Variants in ACO1 observed in about 807,000 individuals in gnomAD.
ACO1 encodes the protein cytoplasmic aconitate hydratase.
ACO1 carries 78 observed loss-of-function variants against 105.1 expected under a neutral mutation model. That is an observed-to-expected ratio of 0.74 (90% CI 0.62 to 0.90). ACO1 has a LOEUF of 0.90. ACO1 is among the 40% of genes least tolerant of loss of function. ACO1 has a pLI of 0.00. For missense variants in ACO1, 965 were observed against 1,111.1 expected, an observed-to-expected ratio of 0.87 and a Z score of 1.87; for synonymous variants, 364 against 397.4, an observed-to-expected ratio of 0.92 and a Z score of 1.00.
chr9:32,396,599 T>C (rs141331950), intron 1 of ACO1, among the ~76,000 whole-genome samples: 1 of 152,316 alleles, frequency 6.6e-6, no homozygotes, highest in Non-Finnish European at 1.5e-5. Flanking sequence ...TGAACATCAG[T>C]GAGGCCTTCT....
chr9:32,420,734 T>G (rs1821954338), intron 7 of ACO1, 122 bp from the exon 8 acceptor site: 1 of 979,106 alleles, frequency 1.0e-6, no homozygotes, highest in Non-Finnish European at 1.5e-6. Flanking sequence ...ACAAATGTGT[T>G]GGGCTGATTT....
At chr9:32,384,854 A>C (rs1033088125) in intron 1 of ACO1, 119 bp downstream of exon 1, 4 of 242,550 alleles carry the variant, frequency 1.6e-5, no homozygotes, top group African/African-American at 9.4e-5. Context: ...CACGGGGGAC[A>C]CGGAGGCGAG....
intron 11 of ACO1, among the ~76,000 whole-genome samples, chr9:32,426,325 T>C (rs955874470): frequency 3.3e-5 from 5 of 152,184 alleles, no homozygotes; most frequent in African/African-American, 1.2e-4. Context: ...CCACAGACTT[T>C]GTTCTCCGTG....
At chr9:32,392,143 T>C (rs1424616102) in intron 1 of ACO1, among the ~76,000 whole-genome samples, 2 of 152,056 alleles carry the variant, frequency 1.3e-5, no homozygotes, top group Non-Finnish European at 2.9e-5. Flanking sequence ...ATGAGATTTA[T>C]TTTTTTTAAA....
chr9:32,427,499 T>C (rs1822127356), intron 12 of ACO1, 63 bp downstream of exon 12: 1 of 1,595,638 alleles, frequency 6.3e-7, no homozygotes, highest in Non-Finnish European at 8.6e-7. Flanking sequence ...TGTATCTTGC[T>C]GTGTCACCTT....
In ACO1 at chr9:32,418,081, ATATGT is replaced by A. The variant is rs762956887; in HGVS notation, c.405-44_405-40del. On this transcript the variant is annotated intron_variant, in intron 4 of 20. Coordinates refer to ENST00000309951, the MANE Select transcript of ACO1 (RefSeq NM_002197.3). ...TCATCACCAATAAATTTGACCACTA[ATATGT>A]TAAGTCTCAAATTGTATACATTTAA... 6 of 1,565,706 alleles carry A rather than the reference ATATGT, an allele frequency of 3.8e-6. No individual in the cohort carries two copies. In the African/African-American group the frequency reaches 5.4e-5, roughly 14 times the overall value.
chr9:32,451,297 C>T lies in ACO1; in HGVS notation c.*1186C>T, dbSNP rs1469984592. 1 of 152,130 alleles carries T rather than the reference C, an allele frequency of 6.6e-6. No homozygotes were observed. The highest frequency in any genetic ancestry group is 1.5e-5 in the Non-Finnish European group (1 of 68,052). The allele number at this position is 152,130 out of a possible 1,614,324, so 9.4% of individuals were successfully genotyped here. A position where few individuals can be genotyped will look rare whatever the true frequency, so the allele number is the denominator to read the frequency against. On this transcript the variant is annotated 3_prime_UTR_variant, in exon 21 of 21. Transcript: ENST00000309951. ...TCATTTTCTGGTGAGGACACTCTTC[C>T]TGGTTTACAGATGGCCACCTTCTTG...
At chr9:32,402,889 CT>C (rs1821527637) in intron 1 of ACO1, among the ~76,000 whole-genome samples, 1 of 152,172 alleles carries the variant, frequency 6.6e-6, no homozygotes, top group Non-Finnish European at 1.5e-5. Context: ...CAAAGCTAGT[CT>C]TTGGTTGCTG....
chr9:32,396,419 G>A (rs1821373597), intron 1 of ACO1, among the ~76,000 whole-genome samples: 1 of 151,698 alleles, frequency 6.6e-6, no homozygotes, highest in Non-Finnish European at 1.5e-5. Context: ...ATCAAAATTG[G>A]CTAAAGAGCC....
chr9:32,418,348 C>G lies in ACO1; in HGVS notation c.495C>G (p.His165Gln). The G allele has an allele frequency of 6.2e-7, 1 of 1,614,138 alleles. No individual in the cohort carries two copies. The highest frequency in any genetic ancestry group is 8.5e-7 in the Non-Finnish European group (1 of 1,180,004). The change falls in exon 6 of 21, where the codon CAC becomes CAG. Residue 165 changes from histidine (H) to glutamine (Q), a missense_variant. His to Gln is a conservative substitution (Grantham distance 24). Transcript: ENST00000309951. The stretch of plus-strand genomic sequence containing the variant: ...CCCAGTGGGGTTCCCAGGCTTTTCA[C>G]AACATGCGGATTATTCCCCCTGGCT... Reference protein sequence around the residue: ...EFLKWGSQAFHNMRIIPPGSG... With the variant: ...EFLKWGSQAFQNMRIIPPGSG...
At chr9:32,418,244 G>A in intron 5 of ACO1, 47 bp downstream of exon 5, 1 of 1,612,486 alleles carries the variant, frequency 6.2e-7, no homozygotes, top group African/African-American at 1.3e-5. Context: ...TTGTAGGCAG[G>A]GTACGAGGGA....
rs1270732358 is a variant in ACO1 at position 32,408,649 on chromosome 9, A to T, written c.402A>T (p.Arg134Ser). 1 of 1,613,834 alleles carries T rather than the reference A, an allele frequency of 6.2e-7. No individual in the cohort carries two copies. The highest frequency in any genetic ancestry group is 2.2e-5 in the East Asian group (1 of 44,892). The change falls in exon 4 of 21, where the codon AGA becomes AGT. Residue 134 changes from arginine to serine, a missense_variant and splice_region_variant. Arg to Ser is a moderately radical substitution (Grantham distance 110, BLOSUM62 -1). Coordinates refer to ENST00000309951, the MANE Select transcript of ACO1 (RefSeq NM_002197.3). ...IDHSIQVDFN[R>S]RADSLQKNQD... ...ATTCCATCCAGGTTGATTTCAACAG[A>T]AGGTGAGAGATTAAAACGAATACCT...
chr9:32,449,771 G>C (rs971229228), intron 20 of ACO1, among the ~76,000 whole-genome samples: 1 of 152,182 alleles, frequency 6.6e-6, no homozygotes, highest in African/African-American at 2.4e-5. Flanking sequence ...ACAGTCTGCA[G>C]TGATTCTCAA....
rs143735504 is a variant in ACO1 at position 32,430,555 on chromosome 9, C to T, written c.1707C>T (p.Asp569=). The change falls in exon 14 of 21, where the codon GAC becomes GAT. Residue 569 remains aspartate, a synonymous_variant. Transcript: ENST00000309951. ...AYAIAGTIRI[D]FEKEPLGVNA... is the part of the protein sequence containing the mutation. ...CAATTGCTGGAACCATCAGAATCGA[C>T]TTTGAGAAAGAGCCATTGGGTAAGA... is the stretch of plus-strand genomic sequence containing the variant. The T allele has an allele frequency of 3.7e-4, 598 of 1,605,402 alleles. 4 individuals carry two copies. In the African/African-American group the frequency reaches 7.4e-3, roughly 20 times the overall value.
chr9:32,428,281 CAAAAA>C (rs199515069), intron 12 of ACO1, among the ~76,000 whole-genome samples: 1 of 110,640 alleles, frequency 9.0e-6, no homozygotes, highest in Admixed American at 9.5e-5. Context: ...GACCCTGTCT[CAAAAA>C]AAAAAAAAAA....
At chr9:32,447,932 CT>C (rs1822657363) in intron 19 of ACO1, among the ~76,000 whole-genome samples, 1 of 152,232 alleles carries the variant, frequency 6.6e-6, no homozygotes, top group Non-Finnish European at 1.5e-5. Context: ...CTCTTCCTTC[CT>C]CTGGAAGCTT....
At chr9:32,420,790 TG>T in intron 7 of ACO1, 65 bp from the exon 8 acceptor site, 1 of 1,533,812 alleles carries the variant, frequency 6.5e-7, no homozygotes, top group Non-Finnish European at 8.9e-7. Context: ...AAGTGCAAGA[TG>T]GTAGTTCTGC....
intron 10 of ACO1, 41 bp downstream of exon 10, chr9:32,424,706 C>T: frequency 7.3e-7 from 1 of 1,364,492 alleles, no homozygotes; most frequent in Non-Finnish European, 1.0e-6. Context: ...CTCAACTCTA[C>T]CTCTTGCCTG....
intron 1 of ACO1, among the ~76,000 whole-genome samples, chr9:32,385,645 G>T (rs1258401534): frequency 6.6e-6 from 1 of 152,188 alleles, no homozygotes; most frequent in African/African-American, 2.4e-5. Context: ...TCTCTTTGAT[G>T]TCAAGCGTAA....
Sources: gnomAD v4.1 joint callset for allele counts (sites outside exome capture counted in the v4.1 genomes callset) on GRCh38, gnomAD v4.1.1 for gene constraint, MANE v1.5 for transcripts, NCBI Gene and HGNC (gene_info 2026-07-23, HGNC 2026-07-21) for gene names.